CYB561: variants seen among roughly 807,000 people sequenced by gnomAD.
The protein encoded by CYB561 is transmembrane ascorbate-dependent reductase CYB561.
Under a neutral mutation model 25.3 loss-of-function variants are expected in CYB561, and 11 were observed. The observed-to-expected ratio is 0.44, with a 90% CI of 0.27 to 0.72. CYB561 has a LOEUF of 0.72. CYB561 is among the 30% of genes least tolerant of loss of function. The pLI is 0.18. For synonymous variants in CYB561, 165 were observed against 158.8 expected (o/e 1.04, Z -0.29); for missense variants, 295 against 334.9 (o/e 0.88, Z 0.93).
chr17:63,433,427 G>A lies in CYB561; in HGVS notation c.*975C>T. 2.5e-6 allele frequency: 1 copy of A among 398,870 alleles called. No individual in the cohort carries two copies. Among genetic ancestry groups the A allele is most frequent in the Non-Finnish European group, 4.4e-6 (1 of 226,270 alleles). 24.7% of individuals were successfully genotyped at this position (398,870 alleles called of 1,614,324 possible). ...TCCATCCTGACTTCCTGGAAAGATG[G>A]GCAGCAGATAAGGAGAAGGCTCGTC... On this transcript the variant is annotated 3_prime_UTR_variant, in exon 6 of 6. Coordinates refer to ENST00000360793, the MANE Select transcript of CYB561 (RefSeq NM_001915.4).
Position 63,437,493 on chromosome 17 carries a change from A to G in CYB561, c.55T>C (p.Phe19Leu), listed in dbSNP as rs201329610. The G allele has an allele frequency of 2.7e-5, 44 of 1,613,702 alleles. No individual in the cohort carries two copies. In the African/African-American group the frequency reaches 5.6e-4, roughly 21 times the overall value. The change falls in exon 2 of 6, where the codon TTC becomes CTC. Residue 19 changes from phenylalanine to leucine, a missense_variant. Coordinates refer to ENST00000360793, the MANE Select transcript of CYB561 (RefSeq NM_001915.4). ...AAGGTCAGGCCCAGCAGCTGGGAGAAGGCCACGTAGTAAGGCAGTGCTGTG... is the reference window on the plus strand; with the variant it reads ...AAGGTCAGGCCCAGCAGCTGGGAGAGGGCCACGTAGTAAGGCAGTGCTGTG... ...TPTALPYYVA[F>L]SQLLGLTLVA...
At chr17:63,437,991 G>GCCCCCCCCCC in intron 1 of CYB561, 1 of 548,622 alleles carries the variant, frequency 1.8e-6, no homozygotes, top group South Asian at 2.1e-5. Context: ...CTCCCCCGAG[G>GCCCCCCCCCC]CTCCCGCTGG....
intron 1 of CYB561, chr17:63,439,243 G>A (rs941761836): frequency 2.0e-5 from 3 of 152,266 alleles, no homozygotes; most frequent in African/African-American, 7.2e-5. Flanking sequence ...TAAAGGGGGG[G>A]TGTGTGTGTG....
chr17:63,437,615 C>T (rs942541788), intron 1 of CYB561, 55 bp from the exon 2 acceptor site: 1 of 1,459,598 alleles, frequency 6.9e-7, no homozygotes, highest in African/African-American at 1.4e-5. Context: ...GAGATGCGCA[C>T]AGCCCCCGCG....
intron 1 of CYB561, chr17:63,440,346 G>GGCC: frequency 2.5e-6 from 1 of 398,636 alleles, no homozygotes; most frequent in Non-Finnish European, 4.4e-6. Flanking sequence ...AGGCTGCCCA[G>GGCC]GCCGCCGCAT....
chr17:63,435,596 G>T, intron 4 of CYB561, 92 bp downstream of exon 4: 1 of 1,018,548 alleles, frequency 9.8e-7, no homozygotes. Flanking sequence ...CAGAAATCAG[G>T]CCCTTCCATG....
rs182357212 is a variant in CYB561, at chr17:63,440,353, G to A, written c.-13-2793C>T. The A allele has an allele frequency of 3.3e-4, 131 of 398,474 alleles. 1 individual carries two copies. The highest frequency in any genetic ancestry group is 2.0e-3 in the East Asian group (57 of 28,068). 24.7% of individuals were successfully genotyped at this position (398,474 alleles called of 1,614,324 possible). On this transcript the variant is annotated intron_variant, in intron 1 of 5. Coordinates refer to ENST00000360793, the MANE Select transcript of CYB561 (RefSeq NM_001915.4). ...TCCACAGAAGGCTGCCCAGGCCGCC[G>A]CATGCTGGCACCCCTCCCCTCACTT...
At position 63,436,839 on chromosome 17, in the gene CYB561, G is replaced by A. The variant is rs1255882325; in HGVS notation, c.202+507C>T. The A allele has an allele frequency of 1.2e-5, 2 of 169,154 alleles. No homozygotes were observed. The highest frequency in any genetic ancestry group is 2.4e-5 in the African/African-American group (1 of 41,758). 10.5% of individuals were successfully genotyped at this position (169,154 alleles called of 1,614,324 possible). On this transcript the variant is annotated intron_variant, in intron 2 of 5. Transcript: ENST00000360793. This position sits in a 1 kb window ranked among gnomAD's most constrained non-coding sequence, Gnocchi z 4.8. ...ACCAGGACCACCTCTAGGAAGAGCG[G>A]GTCAACCGGATGCAGATCCCGCTTC...
Position 63,435,206 on chromosome 17 carries a change from G to C in CYB561, c.443C>G (p.Ala148Gly), listed in dbSNP as rs368528111. The C allele has an allele frequency of 6.2e-7, 1 of 1,614,066 alleles. No homozygotes were observed. Among genetic ancestry groups the C allele is most frequent in the African/African-American group, 1.3e-5 (1 of 75,074 alleles). The part of the protein sequence containing the change: ...VGFSFFLFPG[A>G]SFSLRSRYRP... Reference sequence around the variant, plus strand: ...GTAGCGGCTCCGCAGGGAGAATGAAGCTCCGGGGAACAGGAAGAAGCTGAA... The same window carrying C: ...GTAGCGGCTCCGCAGGGAGAATGAACCTCCGGGGAACAGGAAGAAGCTGAA... Residue 148 changes from alanine to glycine, a missense_variant, in exon 5 of 6, where the codon GCT (alanine) becomes GGT (glycine). Physicochemically the swap from Ala to Gly is moderately conservative, Grantham distance 60. Transcript: ENST00000360793.
chr17:63,437,099 T>G, intron 2 of CYB561: 1 of 541,270 alleles, frequency 1.8e-6, no homozygotes, highest in Non-Finnish European at 3.3e-6. Flanking sequence ...GTGCCCGCCT[T>G]GGATGCTGTG....
chr17:63,438,171 A>G (rs1180874151), intron 1 of CYB561: 10 of 1,535,450 alleles, frequency 6.5e-6, no homozygotes, highest in East Asian at 2.4e-5. Context: ...GCAAGGAAAG[A>G]TACCCCAAAT....
chr17:63,438,582 G>A (rs569634669), intron 1 of CYB561, among the ~76,000 whole-genome samples: 2 of 152,220 alleles, frequency 1.3e-5, no homozygotes, highest in South Asian at 2.1e-4. Context: ...CACCAGGGGC[G>A]GGGCGGACCC....
rs753944166 is a variant in CYB561 at position 63,435,252 on chromosome 17, T to C, written c.406-9A>G. On this transcript the variant is annotated splice_polypyrimidine_tract_variant and intron_variant, in intron 4 of 5. Transcript: ENST00000360793. ...CTGAAGCCCACCAGCCACTAGGATT[T>C]GAAAGGAGACGGTTCCGGGACAGGG... 1.9e-6 allele frequency: 3 copies of C among 1,612,962 alleles called. No individual in the cohort carries two copies. In the East Asian group the frequency reaches 6.7e-5, roughly 36 times the overall value.
At chr17:63,441,833 C>A (rs866241816) in intron 1 of CYB561, among the ~76,000 whole-genome samples, 13 of 152,236 alleles carry the variant, frequency 8.5e-5, no homozygotes, top group East Asian at 1.9e-4. Context: ...CGGTGCCCCC[C>A]CTCCTGTGCC....
In CYB561 at chr17:63,435,091, G is replaced by T; in HGVS notation, c.558C>A (p.Asn186Lys). The T allele has an allele frequency of 1.2e-6, 2 of 1,613,328 alleles. No homozygotes were observed. The highest frequency in any genetic ancestry group is 1.7e-6 in the Non-Finnish European group (2 of 1,179,600). ...LLGLKEALLF[N>K]LGGKYSAFEP... The stretch of plus-strand genomic sequence containing the variant: ...CTCCCACCCAGGACACTCACCCGAG[G>T]TTGAACAGCAGTGCCTCCTTCAGGC... Residue 186 changes from asparagine (N) to lysine (K), a missense_variant, in exon 5 of 6, where the codon AAC becomes AAA. By Grantham distance (94) the Asn-to-Lys change is moderately conservative. Coordinates refer to ENST00000360793, the MANE Select transcript of CYB561 (RefSeq NM_001915.4).
At position 63,437,887 on chromosome 17, in the gene CYB561, C is replaced by T. The variant is rs139888998; in HGVS notation, c.-13-327G>A. The T allele has an allele frequency of 1.8e-3, 759 of 419,512 alleles. 6 individuals are homozygous for T. The highest frequency in any genetic ancestry group is 2.7e-3 in the Non-Finnish European group (626 of 234,756). 26.0% of individuals were successfully genotyped at this position (419,512 alleles called of 1,614,324 possible). On this transcript the variant is annotated intron_variant, in intron 1 of 5. Coordinates refer to ENST00000360793, the MANE Select transcript of CYB561 (RefSeq NM_001915.4). ...AGCACCCCCAGATGCGAGCAGCCCC[C>T]CTGAGATGCGCATGTCCCCCCCACG... is the stretch of plus-strand genomic sequence containing the variant.
chr17:63,437,975 G>GCCCCCCCC, intron 1 of CYB561: 1 of 89,530 alleles, frequency 1.1e-5, no homozygotes, highest in Non-Finnish European at 2.0e-5. Context: ...CGGCGGCCCC[G>GCCCCCCCC]CCACCCTCCC....
intron 1 of CYB561, 157 bp downstream of exon 1, chr17:63,446,088 C>A (rs1408428145): frequency 6.6e-6 from 1 of 152,336 alleles, no homozygotes; most frequent in East Asian, 1.9e-4. Context: ...TGCGGGTCGG[C>A]GCCGCAGTCC....
At chr17:63,443,412 C>G (rs527677581) in intron 1 of CYB561, among the ~76,000 whole-genome samples, 1 of 152,136 alleles carries the variant, frequency 6.6e-6, no homozygotes, top group Non-Finnish European at 1.5e-5. Flanking sequence ...CCCAGGGACC[C>G]GGGGTATCCA....
Sources: allele counts gnomAD v4.1 joint callset (sites outside exome capture counted in the v4.1 genomes callset), GRCh38; gene constraint gnomAD v4.1.1; non-coding constraint Gnocchi (gnomAD v3.1); transcripts MANE v1.5; gene names NCBI Gene and HGNC (gene_info 2026-07-23, HGNC 2026-07-21).